Variants in CD274 observed in about 807,000 individuals in gnomAD.
The protein encoded by CD274 is CD274 molecule, also known as programmed cell death 1 ligand 1.
Under a neutral mutation model 30.1 loss-of-function variants are expected in CD274, and 8 were observed. That is an observed-to-expected ratio of 0.27 (90% confidence interval 0.16 to 0.48). The LOEUF is 0.48. Among genes scored for constraint, CD274 ranks in the 20% least tolerant of loss-of-function variants. The pLI is 0.99. For missense variants in CD274, 353 were observed against 346.6 expected (o/e 1.02, Z -0.15); for synonymous variants, 152 against 124.6 (o/e 1.22, Z -1.46).
At chr9:5,454,628 C>CATAT (rs34028061) in intron 1 of CD274, among the ~76,000 whole-genome samples, 41 of 128,692 alleles carry the variant, frequency 3.2e-4, no homozygotes, top group Non-Finnish European at 6.0e-4. Flanking sequence ...CATATACAGA[C>CATAT]ATATATATAT....
chr9:5,466,734 G>A (rs1819502894), intron 5 of CD274, 36 bp from the exon 6 acceptor site: 23 of 1,506,442 alleles, frequency 1.5e-5, no homozygotes, highest in Non-Finnish European at 2.1e-5. Flanking sequence ...GTAGAGCTGT[G>A]CTATATGGAA....
rs369938558 is a variant in CD274, at chr9:5,465,480, G to T, written c.683-19G>T. 1 of 1,463,516 alleles carries T rather than the reference G, an allele frequency of 6.8e-7. No individual in the cohort carries two copies. The highest frequency in any genetic ancestry group is 9.6e-7 in the Non-Finnish European group (1 of 1,043,826). The allele number at this position is 1,463,516 out of a possible 1,614,324, so 90.7% of individuals were successfully genotyped here. Reference sequence around the variant, plus strand: ...TTTTATCTTTAGTCAGTTTGTTTTCGTTTTGTTTTGTTTTTCAGAACTACC... The same window carrying T: ...TTTTATCTTTAGTCAGTTTGTTTTCTTTTTGTTTTGTTTTTCAGAACTACC... On this transcript the variant is annotated intron_variant, in intron 4 of 6. Transcript: ENST00000381577.
intron 1 of CD274, among the ~76,000 whole-genome samples, chr9:5,451,598 G>T (rs1819204089): frequency 6.6e-6 from 1 of 152,192 alleles, no homozygotes; most frequent in African/African-American, 2.4e-5. Flanking sequence ...ATACTCTGAA[G>T]AAAAACTTAG....
rs891489824 is a variant in CD274 at position 5,470,330 on chromosome 9, C to T, written c.*2468C>T. 1.7e-5 allele frequency: 4 copies of T among 232,530 alleles called. No individual in the cohort carries two copies. Among genetic ancestry groups the T allele is most frequent in the Non-Finnish European group, 1.7e-5 (2 of 117,670 alleles). The allele number at this position is 232,530 out of a possible 1,614,324, so 14.4% of individuals were successfully genotyped here. ...TACTCAGTCTATTCCTAAGTCCTAA[C>T]TCCTCCTTGTGGTGTTGGATTTGTA... On this transcript the variant is annotated 3_prime_UTR_variant, in exon 7 of 7. Coordinates refer to ENST00000381577, the MANE Select transcript of CD274 (RefSeq NM_014143.4).
intron 3 of CD274, among the ~76,000 whole-genome samples, chr9:5,459,764 A>C (rs1362085383): frequency 1.3e-5 from 2 of 152,166 alleles, no homozygotes; most frequent in African/African-American, 4.8e-5. Flanking sequence ...AGGGAAAACG[A>C]AATGTTCATT....
Position 5,466,852 on chromosome 9 carries a change from G to A in CD274, c.850+23G>A, listed in dbSNP as rs1015658438. Reference sequence around the variant, plus strand: ...GTGGTAAGAATATCAGAAGGAATTGGGAAGTAAAAGTCAAAGGAAACAAAA... The same window carrying A: ...GTGGTAAGAATATCAGAAGGAATTGAGAAGTAAAAGTCAAAGGAAACAAAA... On this transcript the variant is annotated intron_variant, in intron 6 of 6. Coordinates refer to ENST00000381577, the MANE Select transcript of CD274 (RefSeq NM_014143.4). The A allele has an allele frequency of 3.8e-6, 6 of 1,563,796 alleles. No homozygotes were observed. In the Admixed American group the frequency reaches 6.9e-5, roughly 18 times the overall value.
intron 1 of CD274, among the ~76,000 whole-genome samples, chr9:5,454,147 C>T (rs771541630): frequency 1.3e-5 from 2 of 152,070 alleles, no homozygotes; most frequent in East Asian, 1.9e-4. Context: ...AAACATTCTA[C>T]GGTTTGGTAA....
chr9:5,466,758 C>A lies in CD274; in HGVS notation c.791-12C>A. 6.2e-7 allele frequency: 1 copy of A among 1,604,924 alleles called. No individual in the cohort carries two copies. Among genetic ancestry groups the A allele is most frequent in the Non-Finnish European group, 8.5e-7 (1 of 1,174,128 alleles). ...TGCTATATGGAAATAAAAATGATTT[C>A]TTTTTCTCAAGGGAGAATGATGGAT... On this transcript the variant is annotated splice_polypyrimidine_tract_variant and intron_variant, in intron 5 of 6. Coordinates refer to ENST00000381577, the MANE Select transcript of CD274 (RefSeq NM_014143.4).
At position 5,465,572 on chromosome 9, in the gene CD274, T is replaced by G. The variant is rs772911038; in HGVS notation, c.756T>G (p.Gly252=). 1 of 1,607,710 alleles carries G rather than the reference T, an allele frequency of 6.2e-7. No individual in the cohort carries two copies. Among genetic ancestry groups the G allele is most frequent in the Non-Finnish European group, 8.5e-7 (1 of 1,174,240 alleles). The part of the protein sequence containing the change: ...VILGAILLCL[G]VALTFIFRLR... Reference sequence around the variant, plus strand: ...TGGGAGCCATCTTATTATGCCTTGGTGTAGCACTGACATTCATCTTCCGTT... The same window carrying G: ...TGGGAGCCATCTTATTATGCCTTGGGGTAGCACTGACATTCATCTTCCGTT... The change falls in exon 5 of 7, where the codon GGT becomes GGG. Residue 252 remains glycine (G), a synonymous_variant. Transcript: ENST00000381577.
chr9:5,456,263 A>G, intron 2 of CD274, 98 bp downstream of exon 2: 1 of 759,404 alleles, frequency 1.3e-6, no homozygotes. Context: ...CAATTTTCTT[A>G]TAGAGAGAAC....
At chr9:5,466,371 C>T (rs1819498036) in intron 5 of CD274, among the ~76,000 whole-genome samples, 1 of 152,136 alleles carries the variant, frequency 6.6e-6, no homozygotes, top group Non-Finnish European at 1.5e-5. Context: ...ATATAAGGAT[C>T]AAGTTTCAAT....
intron 5 of CD274, among the ~76,000 whole-genome samples, chr9:5,466,478 A>C (rs980937728): frequency 6.6e-6 from 1 of 152,224 alleles, no homozygotes; most frequent in African/African-American, 2.4e-5. Context: ...ATTAGTTGGC[A>C]GTAGAAATGG....
At chr9:5,453,124 G>A (rs1019112937) in intron 1 of CD274, among the ~76,000 whole-genome samples, 1 of 152,026 alleles carries the variant, frequency 6.6e-6, no homozygotes. Flanking sequence ...TGACCTCACA[G>A]GCCTGAATGC....
At chr9:5,466,447 A>T (rs1425777106) in intron 5 of CD274, among the ~76,000 whole-genome samples, 1 of 152,214 alleles carries the variant, frequency 6.6e-6, no homozygotes, top group African/African-American at 2.4e-5. Flanking sequence ...ATGCATTTTG[A>T]ATATTTCTCT....
At chr9:5,466,715 G>C in intron 5 of CD274, 55 bp from the exon 6 acceptor site, 1 of 1,321,572 alleles carries the variant, frequency 7.6e-7, no homozygotes. Context: ...TTGGGTCACT[G>C]TATGGGATGT....
chr9:5,467,840 A>C lies in CD274; in HGVS notation c.851A>C (p.Asp284Ala), dbSNP rs1265659593. The change falls in exon 7 of 7, where the codon GAT becomes GCT. Residue 284 changes from aspartate (D) to alanine (A), a missense_variant and splice_region_variant. Transcript: ENST00000381577. Reference sequence around the variant, plus strand: ...TTAATATACTATTATCACTCTCCAGATACACATTTGGAGGAGACGTAATCC... The same window carrying C: ...TTAATATACTATTATCACTCTCCAGCTACACATTTGGAGGAGACGTAATCC... ...IQDTNSKKQSDTHLEET is the reference protein window; with the variant it reads ...IQDTNSKKQSATHLEET 1.2e-6 allele frequency: 2 copies of C among 1,608,410 alleles called. No individual in the cohort carries two copies. The highest frequency in any genetic ancestry group is 2.7e-5 in the African/African-American group (2 of 74,750).
chr9:5,451,901 G>A (rs1218706025), intron 1 of CD274, among the ~76,000 whole-genome samples: 2 of 151,922 alleles, frequency 1.3e-5, no homozygotes, highest in South Asian at 2.1e-4. Flanking sequence ...GGCTGTTCTC[G>A]AACTCCTAGC....
intron 3 of CD274, among the ~76,000 whole-genome samples, chr9:5,459,956 A>G (rs949418697): frequency 3.3e-5 from 5 of 151,778 alleles, no homozygotes; most frequent in African/African-American, 1.2e-4. Context: ...ATCTCTATCT[A>G]GTATATTGTG....
chr9:5,451,980 T>A (rs1192679089), intron 1 of CD274, among the ~76,000 whole-genome samples: 1 of 151,608 alleles, frequency 6.6e-6, no homozygotes, highest in Admixed American at 6.6e-5. Context: ...CATGCAGGCC[T>A]CTTGCTCCTA....
Sources: gnomAD v4.1 joint callset for allele counts (sites outside exome capture counted in the v4.1 genomes callset) on GRCh38, gnomAD v4.1.1 for gene constraint, MANE v1.5 for transcripts, NCBI Gene and HGNC (gene_info 2026-07-23, HGNC 2026-07-21) for gene names.